Variants in NCK2 observed in about 807,000 individuals in gnomAD.
NCK2 encodes the protein NCK adaptor protein 2.
In NCK2, 16 loss-of-function variants were observed where a neutral mutation model predicts 33.9. That is an observed-to-expected ratio of 0.47 (90% CI 0.32 to 0.72). The LOEUF is 0.72. NCK2 is among the 30% of genes least tolerant of loss of function. The probability of loss-of-function intolerance (pLI) is 0.03; values close to 1 mark genes in which losing one functional copy is unlikely to be tolerated. For synonymous variants in NCK2, 273 were observed against 239.9 expected (o/e 1.14, Z -1.27); for missense variants, 418 against 537.3 (o/e 0.78, Z 2.19).
At chr2:105,754,216 G>A (rs757479933) in intron 1 of NCK2, among the ~76,000 whole-genome samples, 41 of 152,350 alleles carry the variant, frequency 2.7e-4, no homozygotes, top group South Asian at 4.1e-4. Flanking sequence ...ACTTCTACAC[G>A]TAGCAGGTTC....
At chr2:105,771,495 G>A (rs1342528875) in intron 1 of NCK2, among the ~76,000 whole-genome samples, 1 of 152,096 alleles carries the variant, frequency 6.6e-6, no homozygotes, top group African/African-American at 2.4e-5. Flanking sequence ...GACCCGAGAG[G>A]TGAATGTTGC....
In NCK2 at chr2:105,810,323, A is replaced by T. The variant is rs370307444; in HGVS notation, c.-200-6107A>T. ...AAAAAAACAAAAGTGTGTGTGTGTG[A>T]GAGAGAGAGCGAGCGAGCAAGCACA... On this transcript the variant is annotated intron_variant, in intron 1 of 4. Coordinates refer to ENST00000233154, the MANE Select transcript of NCK2 (RefSeq NM_003581.5). Among the ~76,000 whole-genome samples the T allele has an allele frequency of 1.6e-4, 24 of 151,908 alleles. No individual in the cohort carries two copies. In the South Asian group the frequency reaches 4.6e-3, roughly 29 times the overall value.
At chr2:105,868,457 G>A (rs1285994825) in intron 3 of NCK2, among the ~76,000 whole-genome samples, 1 of 152,288 alleles carries the variant, frequency 6.6e-6, no homozygotes, top group Non-Finnish European at 1.5e-5. Flanking sequence ...GGGGAATCTT[G>A]CTTGGTTTTG....
upstream of NCK2, among the ~76,000 whole-genome samples, chr2:105,744,686 AC>A (rs1689198160): frequency 6.6e-6 from 1 of 151,390 alleles, no homozygotes. Context: ...CGGCGCCCGT[AC>A]CGGGACCCGG....
At chr2:105,871,064 C>T (rs1415220173) in intron 3 of NCK2, among the ~76,000 whole-genome samples, 1 of 152,062 alleles carries the variant, frequency 6.6e-6, no homozygotes, top group Non-Finnish European at 1.5e-5. Flanking sequence ...AGGTGCCTGT[C>T]ACTGCAGACA....
intron 2 of NCK2, among the ~76,000 whole-genome samples, chr2:105,844,126 C>G (rs1676754871): frequency 6.6e-6 from 1 of 152,080 alleles, no homozygotes; most frequent in South Asian, 2.1e-4. Flanking sequence ...ATGTTTTTCT[C>G]ATGACATCAG....
chr2:105,808,566 A>C (rs1287608165), intron 1 of NCK2, among the ~76,000 whole-genome samples: 2 of 152,240 alleles, frequency 1.3e-5, no homozygotes, highest in Admixed American at 1.3e-4. Flanking sequence ...CCACCAGTTT[A>C]CTACAAATGC....
intron 1 of NCK2, among the ~76,000 whole-genome samples, chr2:105,790,909 G>A (rs1690857485): frequency 6.6e-6 from 1 of 152,202 alleles, no homozygotes; most frequent in South Asian, 2.1e-4. Context: ...GCAGGGCTTG[G>A]TGAGGAGCCA....
chr2:105,828,069 C>T (rs1676021126), intron 2 of NCK2, among the ~76,000 whole-genome samples: 1 of 152,082 alleles, frequency 6.6e-6, no homozygotes, highest in South Asian at 2.1e-4. Context: ...TTCCTGTGAA[C>T]CTATACTTAT....
At chr2:105,783,800 CAG>C (rs1284674111) in intron 1 of NCK2, among the ~76,000 whole-genome samples, 1 of 152,190 alleles carries the variant, frequency 6.6e-6, no homozygotes, top group East Asian at 1.9e-4. Context: ...TGCTTCCCCA[CAG>C]AGAGGGTTTT....
chr2:105,758,641 C>A (rs1233786585), intron 1 of NCK2, among the ~76,000 whole-genome samples: 1 of 151,962 alleles, frequency 6.6e-6, no homozygotes, highest in Admixed American at 6.6e-5. Context: ...AACTCCTGAC[C>A]TTGTGATCCA....
chr2:105,772,110 A>G (rs937379846), intron 1 of NCK2, among the ~76,000 whole-genome samples: 3 of 150,390 alleles, frequency 2.0e-5, no homozygotes, highest in Non-Finnish European at 4.5e-5. Context: ...AGGATGGCGG[A>G]GGGGGTAGCG....
intron 1 of NCK2, among the ~76,000 whole-genome samples, chr2:105,746,375 C>A (rs995911498): frequency 6.6e-6 from 1 of 152,140 alleles, no homozygotes; most frequent in Non-Finnish European, 1.5e-5. Flanking sequence ...GCGCAGTCCC[C>A]GCTTCTCGGA....
rs887300867 is a variant in NCK2, at chr2:105,754,849, T to C, written c.-201+9711T>C. On this transcript the variant is annotated intron_variant, in intron 1 of 4. Transcript: ENST00000233154. ...ATTTAATATAGGTGAAGAGTGAATTTTCATCAAACGATTAAAAAAAAGTGA... is the reference window on the plus strand; with the variant it reads ...ATTTAATATAGGTGAAGAGTGAATTCTCATCAAACGATTAAAAAAAAGTGA... 2.0e-5 allele frequency among the ~76,000 whole-genome samples: 3 copies of C among 152,128 alleles called. No individual in the cohort carries two copies. The East Asian group carries it at 5.8e-4, about 29-fold the overall frequency.
intron 2 of NCK2, among the ~76,000 whole-genome samples, chr2:105,820,929 A>C (rs572034269): frequency 4.1e-4 from 63 of 152,334 alleles, no homozygotes; most frequent in Admixed American, 2.2e-3. Context: ...GGTGATGTGC[A>C]TGTCCAGCGT....
intron 2 of NCK2, among the ~76,000 whole-genome samples, chr2:105,828,510 G>A (rs1573168181): frequency 6.6e-6 from 1 of 152,196 alleles, no homozygotes; most frequent in East Asian, 1.9e-4. Flanking sequence ...TTAAGCATGT[G>A]ATAGGTAATG....
chr2:105,747,332 C>G (rs1409449784), intron 1 of NCK2, among the ~76,000 whole-genome samples: 1 of 152,220 alleles, frequency 6.6e-6, no homozygotes, highest in African/African-American at 2.4e-5. Flanking sequence ...TGCATGTGCA[C>G]AGACTGGATA....
intron 1 of NCK2, among the ~76,000 whole-genome samples, chr2:105,786,973 G>A (rs896070271): frequency 1.4e-4 from 21 of 152,352 alleles, no homozygotes; most frequent in African/African-American, 4.8e-4. Context: ...CTGGCGTGGT[G>A]CCGCACAGGT....
chr2:105,870,633 CA>C (rs1234137679), intron 3 of NCK2, among the ~76,000 whole-genome samples: 2 of 152,038 alleles, frequency 1.3e-5, no homozygotes, highest in African/African-American at 4.8e-5. Flanking sequence ...CACATACCTG[CA>C]ATCTCAGCTA....
Sources: allele counts gnomAD v4.1 joint callset (sites outside exome capture counted in the v4.1 genomes callset), GRCh38; gene constraint gnomAD v4.1.1; transcripts MANE v1.5; gene names NCBI Gene and HGNC (gene_info 2026-07-23, HGNC 2026-07-21).